The following ERC1 variants were observed in gnomAD, a reference collection of about 807,000 sequenced individuals.
The protein encoded by ERC1 is ELKS/RAB6-interacting/CAST family member 1.
Under a neutral mutation model 132.0 loss-of-function variants are expected in ERC1, and 56 were observed. That is an observed-to-expected ratio of 0.42 (90% CI 0.34 to 0.53). ERC1 has a LOEUF of 0.53. Among genes scored for constraint, ERC1 ranks in the 20% least tolerant of loss-of-function variants. ERC1 has a pLI of 0.03. For missense variants in ERC1, 1,202 were observed against 1,349.9 expected (o/e 0.89, Z 1.72); for synonymous variants, 478 against 476.1 (o/e 1.00, Z -0.05).
intron 15 of ERC1, among the ~76,000 whole-genome samples, chr12:1,299,747 A>G (rs1198865637): frequency 1.3e-5 from 2 of 152,296 alleles, no homozygotes; most frequent in East Asian, 3.9e-4. Flanking sequence ...TCCCTACCAA[A>G]TGGATCAAGG....
intron 7 of ERC1, among the ~76,000 whole-genome samples, chr12:1,121,382 T>C (rs1321896929): frequency 6.6e-6 from 1 of 152,068 alleles, no homozygotes; most frequent in African/African-American, 2.4e-5. Flanking sequence ...ATGACTCTTG[T>C]TTGATTGGTA....
intron 15 of ERC1, among the ~76,000 whole-genome samples, chr12:1,337,345 GT>G (rs1286757463): frequency 6.6e-6 from 1 of 151,056 alleles, no homozygotes; most frequent in Admixed American, 6.6e-5. Flanking sequence ...TTGGTTTAAA[GT>G]CTATTTTTTC....
At chr12:1,204,105 C>T (rs1957150100) in intron 12 of ERC1, 1 of 168,026 alleles carries the variant, frequency 6.0e-6, no homozygotes, top group Non-Finnish European at 1.3e-5. Flanking sequence ...AGGTGGGTGT[C>T]TATAAAACTA....
chr12:1,263,259 G>A, intron 14 of ERC1, 94 bp downstream of exon 14: 1 of 1,245,184 alleles, frequency 8.0e-7, no homozygotes. Flanking sequence ...CATATTGTAT[G>A]TTTATAGGGT....
intron 16 of ERC1, among the ~76,000 whole-genome samples, chr12:1,400,958 C>T (rs144357881): frequency 0.014 from 940 of 68,796 alleles, 34 homozygotes; most frequent in Middle Eastern, 0.059. Context: ...TTTTTTGTGA[C>T]GGAGTCTTGC....
intron 15 of ERC1, among the ~76,000 whole-genome samples, chr12:1,353,506 T>A (rs1366167407): frequency 6.6e-6 from 1 of 152,170 alleles, no homozygotes; most frequent in Non-Finnish European, 1.5e-5. Flanking sequence ...TAAATAAAAC[T>A]TAAAAACAGA....
rs2093255001 is a variant in ERC1 at position 1,444,712 on chromosome 12, G to T, written c.3175G>T (p.Ala1059Ser). The change falls in exon 18 of 19, where the codon GCT (alanine) becomes TCT (serine). Residue 1059 changes from alanine to serine, a missense_variant. Transcript: ENST00000360905. ...CTATAACTTGGACGATGACCAGGCG[G>T]CTTGGGAGAATGAGCTGCAGAAGAT... ...ASYNLDDDQA[A>S]WENELQKMTR... The T allele has an allele frequency of 6.2e-7, 1 of 1,614,066 alleles. No individual in the cohort carries two copies. Among genetic ancestry groups the T allele is most frequent in the East Asian group, 2.2e-5 (1 of 44,876 alleles).
At chr12:1,284,571 T>C (rs926345625) in intron 14 of ERC1, among the ~76,000 whole-genome samples, 2 of 152,196 alleles carry the variant, frequency 1.3e-5, no homozygotes, top group African/African-American at 4.8e-5. Context: ...GTATGAGTGC[T>C]CTCCCTTCTC....
chr12:1,219,177 ACTT>A (rs975970990), intron 12 of ERC1, among the ~76,000 whole-genome samples: 4 of 152,040 alleles, frequency 2.6e-5, no homozygotes, highest in African/African-American at 9.7e-5. Flanking sequence ...CTGGCCTCAG[ACTT>A]CTTCAAGTCT....
At position 1,021,630 on chromosome 12, in the gene ERC1, C is replaced by T. The variant is rs1044567786; in HGVS notation, c.-156-6118C>T. Among the ~76,000 whole-genome samples the T allele has an allele frequency of 3.3e-5, 5 of 150,202 alleles. No individual in the cohort carries two copies. The South Asian group carries it at 6.3e-4, about 19-fold the overall frequency. On this transcript the variant is annotated intron_variant, in intron 1 of 18. Transcript: ENST00000360905. ...AGAAGAATGGCATGAACCCGGGAGG[C>T]GGAGCTTGCAGTGAGCCCAGATCGC...
chr12:1,149,356 C>T (rs183651549), intron 8 of ERC1, among the ~76,000 whole-genome samples: 5 of 152,234 alleles, frequency 3.3e-5, no homozygotes, highest in Admixed American at 3.3e-4. Context: ...TTAGTGCTTA[C>T]AGCTGAAACT....
chr12:1,478,660 G>A (rs955534648), intron 18 of ERC1, among the ~76,000 whole-genome samples: 1 of 152,132 alleles, frequency 6.6e-6, no homozygotes, highest in Non-Finnish European at 1.5e-5. Flanking sequence ...GGGCGTGGTG[G>A]CGAGCGCCTG....
intron 2 of ERC1, among the ~76,000 whole-genome samples, chr12:1,064,618 T>A (rs1368196235): frequency 2.0e-5 from 3 of 152,098 alleles, no homozygotes; most frequent in Non-Finnish European, 4.4e-5. Context: ...TGTGTCAAAC[T>A]CCTGGCCTCA....
chr12:1,170,918 T>A (rs1952987771), intron 8 of ERC1, among the ~76,000 whole-genome samples: 1 of 152,244 alleles, frequency 6.6e-6, no homozygotes, highest in Non-Finnish European at 1.5e-5. Context: ...ATAGTAGTAT[T>A]CTGGTGAAGT....
chr12:1,342,979 C>T (rs1487266503), intron 15 of ERC1, among the ~76,000 whole-genome samples: 1 of 152,110 alleles, frequency 6.6e-6, no homozygotes. Context: ...AAATAAATAC[C>T]AGTATCTATG....
chr12:1,279,671 TTAA>T (rs1401714406), intron 14 of ERC1, among the ~76,000 whole-genome samples: 8 of 149,900 alleles, frequency 5.3e-5, no homozygotes, highest in Admixed American at 2.0e-4. Context: ...TTTTTTTTTT[TTAA>T]TTTTATTTTA....
At chr12:992,966 C>T (rs1419739972) in intron 1 of ERC1, among the ~76,000 whole-genome samples, 3 of 152,056 alleles carry the variant, frequency 2.0e-5, no homozygotes, top group Admixed American at 6.5e-5. Context: ...TTCTTGTAAC[C>T]CAAAAGAGAA....
chr12:1,492,162 T>C lies in ERC1; in HGVS notation c.*1932T>C, dbSNP rs540538913. 1 of 232,960 alleles carries C rather than the reference T, an allele frequency of 4.3e-6. No homozygotes were observed. The highest frequency in any genetic ancestry group is 1.8e-4 in the South Asian group (1 of 5,530). The allele number at this position is 232,960 out of a possible 1,614,324, so 14.4% of individuals were successfully genotyped here. ...GGAGCGTTTCTTATCGAAGGTTAAA[T>C]GGACTCTGCTCATAAACCTCTTACT... On this transcript the variant is annotated 3_prime_UTR_variant, in exon 19 of 19. Coordinates refer to ENST00000360905, the MANE Select transcript of ERC1 (RefSeq NM_178040.4).
At chr12:1,208,003 C>T (rs79478267) in intron 12 of ERC1, among the ~76,000 whole-genome samples, 1,798 of 152,216 alleles carry the variant, frequency 0.012, 28 homozygotes, top group South Asian at 0.077. Context: ...GACAGAAACA[C>T]GTCTGATTTC....
Sources: gnomAD v4.1 joint callset for allele counts (sites outside exome capture counted in the v4.1 genomes callset) on GRCh38, gnomAD v4.1.1 for gene constraint, MANE v1.5 for transcripts, NCBI Gene and HGNC (gene_info 2026-07-23, HGNC 2026-07-21) for gene names.